Variants in NXPH1 observed in about 807,000 individuals in gnomAD.
NXPH1 encodes the protein neurexophilin-1.
A neutral mutation model predicts 23.7 loss-of-function variants in NXPH1; 5 were observed. The ratio of observed to expected loss-of-function variants is 0.21; its 90% CI spans 0.11 to 0.44. The LOEUF (loss-of-function observed/expected upper bound fraction) is 0.44, where lower values mean the gene tolerates loss of function less well. Among genes scored for constraint, NXPH1 ranks in the 20% least tolerant of loss-of-function variants. The probability of loss-of-function intolerance (pLI) is 0.99; values close to 1 mark genes in which losing one functional copy is unlikely to be tolerated. For missense variants in NXPH1, 324 were observed against 321.6 expected, an observed-to-expected ratio of 1.01 and a Z score of -0.06; for synonymous variants, 144 against 122.2, an observed-to-expected ratio of 1.18 and a Z score of -1.18.
intron 2 of NXPH1, among the ~76,000 whole-genome samples, chr7:8,476,883 C>A (rs1482406456): frequency 3.9e-5 from 6 of 152,094 alleles, no homozygotes; most frequent in African/African-American, 1.4e-4. Flanking sequence ...ATCTAACAAC[C>A]ATATAGAACT....
chr7:8,436,292 T>C (rs1016888021), intron 2 of NXPH1, among the ~76,000 whole-genome samples: 1 of 152,210 alleles, frequency 6.6e-6, no homozygotes, highest in African/African-American at 2.4e-5. Context: ...AGTTTAACTA[T>C]CAGGGGTACT....
At chr7:8,673,911 T>C (rs994940895) in intron 2 of NXPH1, among the ~76,000 whole-genome samples, 1 of 152,074 alleles carries the variant, frequency 6.6e-6, no homozygotes, top group Non-Finnish European at 1.5e-5. Flanking sequence ...TGTTTGAGCC[T>C]AAAACAAGGG....
chr7:8,726,924 A>G (rs1430620101), intron 2 of NXPH1, among the ~76,000 whole-genome samples: 2 of 151,446 alleles, frequency 1.3e-5, no homozygotes, highest in Non-Finnish European at 3.0e-5. Context: ...GACTTCCACA[A>G]TGGTTGAACT....
chr7:8,591,412 G>C (rs1819091027), intron 2 of NXPH1, among the ~76,000 whole-genome samples: 1 of 151,936 alleles, frequency 6.6e-6, no homozygotes, highest in Admixed American at 6.6e-5. Context: ...TGACTAAGAT[G>C]GCTGTTTACT....
chr7:8,612,166 T>C (rs1453014614), intron 2 of NXPH1, among the ~76,000 whole-genome samples: 1 of 151,784 alleles, frequency 6.6e-6, no homozygotes, highest in East Asian at 1.9e-4. Context: ...TCTCTTTCTG[T>C]CATTTCTCCC....
rs529071776 is a variant in NXPH1, at chr7:8,441,805, C to T, written c.54+6038C>T. Among the ~76,000 whole-genome samples the T allele has an allele frequency of 2.4e-3, 367 of 152,296 alleles. 2 individuals are homozygous for T. Among genetic ancestry groups the T allele is most frequent in the African/African-American group, 8.4e-3 (349 of 41,580 alleles). The stretch of plus-strand genomic sequence containing the variant: ...TTGCCCTGCCCTCGCGGGTTGGTGG[C>T]TGTTGTTTAAACTTCTGATGAGCGC... On this transcript the variant is annotated intron_variant, in intron 2 of 2. Coordinates refer to ENST00000405863, the MANE Select transcript of NXPH1 (RefSeq NM_152745.3).
At chr7:8,744,167 A>C (rs917036935) in intron 2 of NXPH1, among the ~76,000 whole-genome samples, 1 of 152,196 alleles carries the variant, frequency 6.6e-6, no homozygotes, top group Non-Finnish European at 1.5e-5. Flanking sequence ...GTCTCAAAAG[A>C]ATCATATATT....
intron 2 of NXPH1, among the ~76,000 whole-genome samples, chr7:8,707,783 T>C (rs1490572162): frequency 6.6e-6 from 1 of 152,174 alleles, no homozygotes; most frequent in Non-Finnish European, 1.5e-5. Flanking sequence ...TCTTCTCTTC[T>C]AAAACTAGGC....
chr7:8,521,211 G>A (rs1341068919), intron 2 of NXPH1, among the ~76,000 whole-genome samples: 1 of 152,166 alleles, frequency 6.6e-6, no homozygotes, highest in Non-Finnish European at 1.5e-5. Context: ...ACAAGTTAGA[G>A]CCACTACCAA....
intron 2 of NXPH1, among the ~76,000 whole-genome samples, chr7:8,551,732 A>G (rs1391901263): frequency 6.6e-6 from 1 of 151,440 alleles, no homozygotes; most frequent in Admixed American, 6.6e-5. Context: ...GTAACTGCTC[A>G]TTGTTTCTGA....
chr7:8,562,209 C>T (rs963754207), intron 2 of NXPH1, among the ~76,000 whole-genome samples: 2 of 151,610 alleles, frequency 1.3e-5, no homozygotes, highest in Admixed American at 6.6e-5. Flanking sequence ...AACCATTATA[C>T]GTCAGCTTCC....
At chr7:8,611,391 G>C (rs57122799) in intron 2 of NXPH1, among the ~76,000 whole-genome samples, 53,731 of 151,962 alleles carry the variant, frequency 0.35, 10,370 homozygotes, top group African/African-American at 0.52. Flanking sequence ...ACATGGTCAA[G>C]ACCACCATTC....
chr7:8,453,491 A>G (rs1306600628), intron 2 of NXPH1, among the ~76,000 whole-genome samples: 3 of 152,146 alleles, frequency 2.0e-5, no homozygotes, highest in African/African-American at 7.2e-5. Context: ...AACTTAGTAT[A>G]TGAACAAATA....
At chr7:8,689,318 GA>G (rs56942123) in intron 2 of NXPH1, among the ~76,000 whole-genome samples, 65,490 of 147,964 alleles carry the variant, frequency 0.44, 14,449 homozygotes, top group Middle Eastern at 0.55. Flanking sequence ...CAGATGAAGT[GA>G]AAAAAAAAAA....
chr7:8,600,957 A>G (rs147616159), intron 2 of NXPH1, among the ~76,000 whole-genome samples: 1 of 152,074 alleles, frequency 6.6e-6, no homozygotes, highest in Non-Finnish European at 1.5e-5. Flanking sequence ...TCTACATAAT[A>G]TAGCATAAAA....
At position 8,435,790 on chromosome 7, in the gene NXPH1, C is replaced by T; in HGVS notation, c.54+23C>T. 6.2e-7 allele frequency: 1 copy of T among 1,613,110 alleles called. No individual in the cohort carries two copies. The highest frequency in any genetic ancestry group is 8.5e-7 in the Non-Finnish European group (1 of 1,179,138). ...TTGGTAAGTCTTGGAAGGTTCGGGG[C>T]TTTCGCATTTTTACCCCGGCCGGGA... On this transcript the variant is annotated intron_variant, in intron 2 of 2. Transcript: ENST00000405863. The surrounding 1 kb of genome is among the most constrained non-coding windows in gnomAD (Gnocchi z 5.9).
intron 2 of NXPH1, among the ~76,000 whole-genome samples, chr7:8,612,835 T>A (rs1236930961): frequency 6.6e-6 from 1 of 152,026 alleles, no homozygotes; most frequent in African/African-American, 2.4e-5. Context: ...TTGCTATTGC[T>A]GATATTAGAT....
At chr7:8,662,316 A>C (rs1316263224) in intron 2 of NXPH1, among the ~76,000 whole-genome samples, 1 of 152,028 alleles carries the variant, frequency 6.6e-6, no homozygotes, top group Non-Finnish European at 1.5e-5. Context: ...CATGATATTG[A>C]TGCCTTGTGA....
At chr7:8,705,705 C>A (rs1490540365) in intron 2 of NXPH1, among the ~76,000 whole-genome samples, 1 of 152,100 alleles carries the variant, frequency 6.6e-6, no homozygotes, top group African/African-American at 2.4e-5. Context: ...TTGATCTGGG[C>A]AATAGTTTTG....
Sources: gnomAD v4.1 joint callset for allele counts (sites outside exome capture counted in the v4.1 genomes callset) on GRCh38, gnomAD v4.1.1 for gene constraint, Gnocchi (gnomAD v3.1) non-coding constraint, MANE v1.5 for transcripts, NCBI Gene and HGNC (gene_info 2026-07-23, HGNC 2026-07-21) for gene names.